PIAS1: variants seen among roughly 807,000 people sequenced by gnomAD.
PIAS1 encodes protein inhibitor of activated STAT 1.
PIAS1 carries 6 observed loss-of-function variants against 71.3 expected under a neutral mutation model. That is an observed-to-expected ratio of 0.08 (90% CI 0.05 to 0.17). The LOEUF is 0.17. Among genes scored for constraint, PIAS1 ranks in the 10% least tolerant of loss-of-function variants. The pLI is 1.00. For missense variants in PIAS1, 555 were observed against 793.6 expected (o/e 0.70, Z 3.61); for synonymous variants, 303 against 292.9 (o/e 1.03, Z -0.35).
At chr15:68,145,999 G>A (rs2092805157) in intron 5 of PIAS1, 93 bp downstream of exon 5, 1 of 803,304 alleles carries the variant, frequency 1.2e-6, no homozygotes. Flanking sequence ...TTTTCCTTAA[G>A]AAAACATTTT....
In PIAS1 at chr15:68,172,054, C is replaced by A. The variant is rs1189823729; in HGVS notation, c.1009-1678C>A. ...CATTAGGTATTTTTCCTAATGCTAT[C>A]CCTCCCCCAGCCCCCCACCCCAAGA... On this transcript the variant is annotated intron_variant, in intron 8 of 13. Coordinates refer to ENST00000249636, the MANE Select transcript of PIAS1 (RefSeq NM_016166.3). Among the ~76,000 whole-genome samples the A allele has an allele frequency of 5.3e-5, 8 of 151,810 alleles. No homozygotes were observed. In the East Asian group the frequency reaches 1.6e-3, roughly 29 times the overall value.
Position 68,065,023 on chromosome 15 carries a change from G to A in PIAS1, c.24+10673G>A, listed in dbSNP as rs142926652. 1.6e-3 allele frequency among the ~76,000 whole-genome samples: 237 copies of A among 152,174 alleles called. 2 individuals are homozygous for A. In the East Asian group the frequency reaches 0.033, roughly 21 times the overall value. On this transcript the variant is annotated intron_variant, in intron 1 of 13. Coordinates refer to ENST00000249636, the MANE Select transcript of PIAS1 (RefSeq NM_016166.3). ...CCTCCCAAAGTGTTAGGATTACGGC[G>A]TGAGACACCATGCCCAGCTATTATT...
At chr15:68,073,605 T>TA (rs1428603235) in intron 1 of PIAS1, among the ~76,000 whole-genome samples, 3 of 152,120 alleles carry the variant, frequency 2.0e-5, no homozygotes, top group East Asian at 1.9e-4. Flanking sequence ...ATTGAGAACT[T>TA]ACTGATTTGG....
chr15:68,141,298 T>G (rs2092768294), intron 2 of PIAS1, among the ~76,000 whole-genome samples: 1 of 152,158 alleles, frequency 6.6e-6, no homozygotes, highest in Admixed American at 6.5e-5. Flanking sequence ...CCTACCTGCT[T>G]GCATGCGTTT....
intron 2 of PIAS1, among the ~76,000 whole-genome samples, chr15:68,126,426 T>TA (rs1315664795): frequency 6.6e-6 from 1 of 152,226 alleles, no homozygotes; most frequent in Admixed American, 6.5e-5. Context: ...TTCTTTTTTT[T>TA]AAACAATAAC....
intron 6 of PIAS1, among the ~76,000 whole-genome samples, chr15:68,150,565 C>T (rs2092837509): frequency 6.6e-6 from 1 of 152,136 alleles, no homozygotes; most frequent in Non-Finnish European, 1.5e-5. Flanking sequence ...GCAACTGTGT[C>T]TTTTCAAATG....
At chr15:68,095,165 G>A (rs1209108950) in intron 2 of PIAS1, among the ~76,000 whole-genome samples, 1 of 152,142 alleles carries the variant, frequency 6.6e-6, no homozygotes, top group East Asian at 1.9e-4. Flanking sequence ...CTTAGGGTCA[G>A]AAGTAAGTAC....
chr15:68,172,987 G>T (rs1043633061), intron 8 of PIAS1, among the ~76,000 whole-genome samples: 1 of 152,216 alleles, frequency 6.6e-6, no homozygotes, highest in African/African-American at 2.4e-5. Flanking sequence ...CCTCCTCAGA[G>T]CTGCCACTTG....
chr15:68,087,506 G>T (rs1340366344), intron 2 of PIAS1, among the ~76,000 whole-genome samples: 3 of 152,060 alleles, frequency 2.0e-5, no homozygotes, highest in Non-Finnish European at 4.4e-5. Flanking sequence ...TGGTTTGTTG[G>T]CATACTACGG....
intron 6 of PIAS1, among the ~76,000 whole-genome samples, chr15:68,151,675 A>AAC (rs2092845393): frequency 2.3e-5 from 1 of 43,236 alleles, no homozygotes; most frequent in South Asian, 1.0e-3. Flanking sequence ...AAAAAAACAA[A>AAC]AAAACAAAAC....
intron 1 of PIAS1, among the ~76,000 whole-genome samples, chr15:68,062,410 C>T (rs1189408901): frequency 6.6e-6 from 1 of 152,162 alleles, no homozygotes; most frequent in East Asian, 1.9e-4. Flanking sequence ...TTAAAGTGCA[C>T]AGTCAGGTAG....
intron 13 of PIAS1, chr15:68,184,580 A>G (rs1406074266): frequency 6.6e-6 from 1 of 152,274 alleles, no homozygotes; most frequent in Non-Finnish European, 1.5e-5. Context: ...TTGAAGAATC[A>G]TTATTCATTA....
intron 13 of PIAS1, chr15:68,184,796 T>A (rs940324876): frequency 6.5e-6 from 1 of 153,324 alleles, no homozygotes. Flanking sequence ...ATTTCAAGGC[T>A]TTTAAGGACA....
At chr15:68,059,359 T>G (rs182396208) in intron 1 of PIAS1, among the ~76,000 whole-genome samples, 44 of 152,180 alleles carry the variant, frequency 2.9e-4, no homozygotes, top group African/African-American at 8.7e-4. Flanking sequence ...GTACCAAAGT[T>G]TGCAGATGTT....
rs1340231955 is a variant in PIAS1, at chr15:68,190,240, TG to T, written c.*2406del. 1 of 152,198 alleles carries T rather than the reference TG, an allele frequency of 6.6e-6. No individual in the cohort carries two copies. The highest frequency in any genetic ancestry group is 1.5e-5 in the Non-Finnish European group (1 of 68,022). The allele number at this position is 152,198 out of a possible 1,614,324, so 9.4% of individuals were successfully genotyped here. Reference sequence around the variant, plus strand: ...ACGGTGGTTTCAGTGGTTTTGGTCATGTGTCCACAGGAGAAACTAACCATTC... The same window carrying T: ...ACGGTGGTTTCAGTGGTTTTGGTCATTGTCCACAGGAGAAACTAACCATTC... On this transcript the variant is annotated 3_prime_UTR_variant, in exon 14 of 14. Coordinates refer to ENST00000249636, the MANE Select transcript of PIAS1 (RefSeq NM_016166.3). This position sits in a 1 kb window ranked among gnomAD's most constrained non-coding sequence, Gnocchi z 4.7.
intron 6 of PIAS1, among the ~76,000 whole-genome samples, chr15:68,151,939 A>ATT (rs1201017658): frequency 0.21 from 14,218 of 67,676 alleles, 1,169 homozygotes; most frequent in Middle Eastern, 0.25. Context: ...AAATTTAGGA[A>ATT]TTTTTTTTTT....
chr15:68,145,594 A>G (rs1027499377), intron 4 of PIAS1, among the ~76,000 whole-genome samples: 2 of 152,222 alleles, frequency 1.3e-5, no homozygotes, highest in African/African-American at 4.8e-5. Flanking sequence ...CACGAAGACA[A>G]CTACAGGGTG....
intron 1 of PIAS1, among the ~76,000 whole-genome samples, chr15:68,062,688 ATGTC>A (rs2091973096): frequency 6.6e-6 from 1 of 152,168 alleles, no homozygotes; most frequent in Non-Finnish European, 1.5e-5. Flanking sequence ...TTAAATGTGT[ATGTC>A]TGTATAATAT....
Position 68,188,292 on chromosome 15 carries a change from G to T in PIAS1, c.*457G>T. On this transcript the variant is annotated 3_prime_UTR_variant, in exon 14 of 14. Coordinates refer to ENST00000249636, the MANE Select transcript of PIAS1 (RefSeq NM_016166.3). ...TGGGGAGGGGGTCGGGGGATAGTTT[G>T]ATTTCCATTTTCTGAAAACGACAGA... 6.4e-6 allele frequency: 1 copy of T among 157,362 alleles called. No individual in the cohort carries two copies. The highest frequency in any genetic ancestry group is 1.4e-5 in the Non-Finnish European group (1 of 71,068). 9.7% of individuals were successfully genotyped at this position (157,362 alleles called of 1,614,324 possible).
Sources: allele counts gnomAD v4.1 joint callset (sites outside exome capture counted in the v4.1 genomes callset), GRCh38; gene constraint gnomAD v4.1.1; non-coding constraint Gnocchi (gnomAD v3.1); transcripts MANE v1.5; gene names NCBI Gene and HGNC (gene_info 2026-07-23, HGNC 2026-07-21).